The following TPO variants were observed in gnomAD, a reference collection of about 807,000 sequenced individuals.
The protein encoded by TPO is thyroid peroxidase, also known as thyroid microsomal antigen.
TPO carries 78 observed loss-of-function variants against 96.9 expected under a neutral mutation model. The ratio of observed to expected loss-of-function variants is 0.81; its 90% CI spans 0.67 to 0.97. TPO has a LOEUF of 0.97. Among genes scored for constraint, TPO ranks in the 50% least tolerant of loss-of-function variants. The pLI, the probability that TPO is intolerant of heterozygous loss-of-function variation, is 0.00. For missense variants in TPO, 1,252 were observed against 1,274.8 expected, an observed-to-expected ratio of 0.98 and a Z score of 0.27; for synonymous variants, 547 against 538.0, an observed-to-expected ratio of 1.02 and a Z score of -0.23.
intron 16 of TPO, chr2:1,541,690 G>A (rs1337414427): frequency 6.6e-6 from 1 of 152,278 alleles, no homozygotes; most frequent in Non-Finnish European, 1.5e-5. Context: ...AAGATGTGAG[G>A]TGATATGTTA....
At chr2:1,480,836 G>GTCTGTCCACACCACGTCCCTGCTGCTGCA (rs1670560252) in intron 8 of TPO, among the ~76,000 whole-genome samples, 1 of 67,750 alleles carries the variant, frequency 1.5e-5, no homozygotes, top group Non-Finnish European at 3.7e-5. Flanking sequence ...CTGCTGCTGC[G>GTCTGTCCACACCACGTCCCTGCTGCTGCA]TCTGTCCTCA....
Position 1,535,013 on chromosome 2 carries a change from G to A in TPO, c.2619-5581G>A, listed in dbSNP as rs78564004. On this transcript the variant is annotated intron_variant, in intron 15 of 16. Coordinates refer to ENST00000329066, the MANE Select transcript of TPO (RefSeq NM_001206744.2). ...GTGCAATTTCCCTAAATCGCCGCAAGTGTGTACAACCTCCCCAAATCCCCC... is the reference window on the plus strand; with the variant it reads ...GTGCAATTTCCCTAAATCGCCGCAAATGTGTACAACCTCCCCAAATCCCCC... 2.6e-4 allele frequency among the ~76,000 whole-genome samples: 4 copies of A among 15,398 alleles called. 1 individual carries two copies. In the South Asian group the frequency reaches 5.5e-3, roughly 21 times the overall value. 10.1% of individuals were successfully genotyped at this position (15,398 alleles called of 152,430 possible).
At chr2:1,384,961 T>G (rs935217800) in intron 1 of TPO, among the ~76,000 whole-genome samples, 4 of 152,218 alleles carry the variant, frequency 2.6e-5, no homozygotes, top group Admixed American at 6.5e-5. Context: ...CTGCATCTAT[T>G]GAGATAATCA....
At chr2:1,514,562 C>T (rs758013529) in intron 14 of TPO, among the ~76,000 whole-genome samples, 2 of 152,188 alleles carry the variant, frequency 1.3e-5, no homozygotes, top group African/African-American at 4.8e-5. Flanking sequence ...GGGGCACCCA[C>T]GCCCACAGCA....
At chr2:1,396,891 G>T (rs1662089944) in intron 1 of TPO, among the ~76,000 whole-genome samples, 1 of 152,342 alleles carries the variant, frequency 6.6e-6, no homozygotes, top group African/African-American at 2.4e-5. Context: ...GCGTTAAATA[G>T]TTAATGCATT....
intron 1 of TPO, among the ~76,000 whole-genome samples, chr2:1,391,784 A>G (rs974850296): frequency 6.6e-6 from 1 of 152,140 alleles, no homozygotes; most frequent in African/African-American, 2.4e-5. Context: ...GCAATTGTGA[A>G]TGGGAGTTCA....
intron 6 of TPO, among the ~76,000 whole-genome samples, chr2:1,454,171 C>G (rs531621656): frequency 1.7e-4 from 22 of 128,790 alleles, no homozygotes; most frequent in African/African-American, 5.9e-4. Flanking sequence ...TTCAGCAATC[C>G]ACTTGTTGAT....
chr2:1,421,661 T>A (rs923747851), intron 2 of TPO, among the ~76,000 whole-genome samples: 18 of 152,032 alleles, frequency 1.2e-4, no homozygotes, highest in Admixed American at 1.3e-4. Context: ...AAGAGGAAAA[T>A]AAAGGAAAAT....
chr2:1,529,742 T>G (rs1256382958), intron 15 of TPO, among the ~76,000 whole-genome samples: 44 of 24,240 alleles, frequency 1.8e-3, no homozygotes, highest in Non-Finnish European at 3.1e-3. Flanking sequence ...AGCAATCTCC[T>G]CAAATCCCCC....
chr2:1,380,201 T>C (rs533662125), intron 1 of TPO, among the ~76,000 whole-genome samples: 1 of 152,244 alleles, frequency 6.6e-6, no homozygotes, highest in African/African-American at 2.4e-5. Flanking sequence ...AAGACCATCC[T>C]GGCTAATACG....
At chr2:1,466,982 C>T (rs183941303) in intron 7 of TPO, among the ~76,000 whole-genome samples, 1 of 152,102 alleles carries the variant, frequency 6.6e-6, no homozygotes, top group African/African-American at 2.4e-5. Flanking sequence ...CTTAGATTGT[C>T]AGTTTGTGCT....
chr2:1,466,119 G>T (rs1369791951), intron 7 of TPO, among the ~76,000 whole-genome samples: 1 of 152,098 alleles, frequency 6.6e-6, no homozygotes, highest in Non-Finnish European at 1.5e-5. Flanking sequence ...GGATCTTTTT[G>T]AATGCTTTTT....
At chr2:1,411,293 T>C (rs1384065969), upstream of TPO, among the ~76,000 whole-genome samples, 1 of 152,202 alleles carries the variant, frequency 6.6e-6, no homozygotes, top group Non-Finnish European at 1.5e-5. Flanking sequence ...CTCATATTTG[T>C]GCGGGGTCAA....
intron 7 of TPO, among the ~76,000 whole-genome samples, chr2:1,462,696 C>A (rs890715834): frequency 2.0e-5 from 3 of 152,158 alleles, no homozygotes; most frequent in African/African-American, 7.2e-5. Flanking sequence ...TGAATACATT[C>A]GGGACACGAT....
chr2:1,399,094 T>A (rs1662127269), intron 1 of TPO, among the ~76,000 whole-genome samples: 1 of 152,234 alleles, frequency 6.6e-6, no homozygotes, highest in Non-Finnish European at 1.5e-5. Flanking sequence ...ATTTCCCAGG[T>A]GGCGGCTGCA....
intron 15 of TPO, among the ~76,000 whole-genome samples, chr2:1,534,323 A>G (rs1037176521): frequency 7.6e-5 from 11 of 144,696 alleles, no homozygotes; most frequent in African/African-American, 2.9e-4. Context: ...ACCTCATCAA[A>G]TTTTCCCACT....
At position 1,484,666 on chromosome 2, in the gene TPO, A is replaced by G. The variant is rs746315727; in HGVS notation, c.1409A>G (p.Tyr470Cys). 2.5e-6 allele frequency: 4 copies of G among 1,614,112 alleles called. No homozygotes were observed. Among genetic ancestry groups the G allele is most frequent in the South Asian group, 1.1e-5 (1 of 91,082 alleles). ...GCCTTCCAGCAGTACGTGGGTCCCTATGAAGGCTATGACTCCACCGCCAAC... is the reference window on the plus strand; with the variant it reads ...GCCTTCCAGCAGTACGTGGGTCCCTGTGAAGGCTATGACTCCACCGCCAAC... ...PEAFQQYVGP[Y>C]EGYDSTANPT... The change falls in exon 9 of 17, where the codon TAT becomes TGT. Residue 470 changes from tyrosine to cysteine, a missense_variant. Physicochemically the swap from Tyr to Cys is radical, Grantham distance 194. Transcript: ENST00000329066.
intron 7 of TPO, among the ~76,000 whole-genome samples, chr2:1,463,190 A>G (rs1668604245): frequency 6.6e-6 from 1 of 152,218 alleles, no homozygotes; most frequent in Non-Finnish European, 1.5e-5. Context: ...GGTGTCAGGC[A>G]TGAACCTCCT....
chr2:1,478,194 T>C, intron 8 of TPO: 9 of 985,432 alleles, frequency 9.1e-6, no homozygotes, highest in Non-Finnish European at 1.1e-5. Flanking sequence ...GAGAGGGTCT[T>C]GAATGGAGAG....
Sources: gnomAD v4.1 joint callset for allele counts (sites outside exome capture counted in the v4.1 genomes callset) on GRCh38, gnomAD v4.1.1 for gene constraint, MANE v1.5 for transcripts, NCBI Gene and HGNC (gene_info 2026-07-23, HGNC 2026-07-21) for gene names.